The following MYLK4 variants were observed in gnomAD, a reference collection of about 807,000 sequenced individuals.
MYLK4 encodes the protein caMLCK like.
A neutral mutation model predicts 48.1 loss-of-function variants in MYLK4; 46 were observed. That is an observed-to-expected ratio of 0.96 (90% confidence interval 0.75 to 1.22). The LOEUF (loss-of-function observed/expected upper bound fraction) is 1.22, where lower values mean the gene tolerates loss of function less well. Ranked by LOEUF, MYLK4 falls within the 50% of genes most tolerant of loss-of-function variation. The pLI is 0.00. For missense variants in MYLK4, 451 were observed against 486.1 expected (o/e 0.93, Z 0.68); for synonymous variants, 170 against 180.8 (o/e 0.94, Z 0.48).
intron 2 of MYLK4, among the ~76,000 whole-genome samples, chr6:2,712,361 C>T (rs1489154017): frequency 2.0e-5 from 3 of 152,144 alleles, no homozygotes; most frequent in Non-Finnish European, 2.9e-5. Flanking sequence ...AGAAGATAGG[C>T]CACATATGGG....
At chr6:2,741,825 T>C (rs1763908940) in intron 2 of MYLK4, among the ~76,000 whole-genome samples, 1 of 152,234 alleles carries the variant, frequency 6.6e-6, no homozygotes. Context: ...ACACAACTTG[T>C]TGGCCTTTTC....
At chr6:2,732,349 C>G (rs914222525) in intron 2 of MYLK4, among the ~76,000 whole-genome samples, 9 of 152,202 alleles carry the variant, frequency 5.9e-5, no homozygotes, top group Admixed American at 2.0e-4. Context: ...ACCCACTCAG[C>G]AAGCTGCAGA....
rs117854365 is a variant in MYLK4, at chr6:2,739,677, T to C, written c.159+9459A>G. ...ACTTTTCCCCATTAAAAATGGCAAA[T>C]GAGGTTTTAAAAAATCATTACAATT... On this transcript the variant is annotated intron_variant, in intron 2 of 12. Transcript: ENST00000274643. Among the ~76,000 whole-genome samples the C allele has an allele frequency of 7.2e-4, 109 of 152,220 alleles. 3 individuals are homozygous for C. In the East Asian group the frequency reaches 0.017, roughly 24 times the overall value.
At chr6:2,742,834 A>G (rs1036903210) in intron 2 of MYLK4, among the ~76,000 whole-genome samples, 1 of 151,856 alleles carries the variant, frequency 6.6e-6, no homozygotes. Context: ...AAACCTGCAC[A>G]TTGTGCACAT....
chr6:2,680,105 A>G, intron 8 of MYLK4, 116 bp downstream of exon 8: 1 of 1,225,270 alleles, frequency 8.2e-7, no homozygotes, highest in Non-Finnish European at 1.1e-6. Flanking sequence ...TTTTTGTTAA[A>G]TTAATTATAA....
upstream of MYLK4, among the ~76,000 whole-genome samples, chr6:2,753,507 T>C (rs1764347436): frequency 6.6e-6 from 1 of 152,168 alleles, no homozygotes; most frequent in Admixed American, 6.5e-5. Flanking sequence ...AAAACGAAGA[T>C]TGATAAATTG....
intron 2 of MYLK4, among the ~76,000 whole-genome samples, chr6:2,742,521 T>C (rs1582124612): frequency 6.6e-6 from 1 of 150,898 alleles, no homozygotes; most frequent in South Asian, 2.1e-4. Context: ...ATATACACCA[T>C]GGAATACTAT....
intron 2 of MYLK4, among the ~76,000 whole-genome samples, chr6:2,720,006 G>A (rs1763011392): frequency 6.6e-6 from 1 of 152,030 alleles, no homozygotes; most frequent in Non-Finnish European, 1.5e-5. Context: ...TATTCCCAGA[G>A]ATTATAATTT....
rs778437879 is a variant in MYLK4, at chr6:2,671,337, A to ATTC, written c.1128_1130dup (p.Lys376dup). ...CAAAGTCCTGGGCATCAGAGCCACG[A>ATTC]TTCTTCTTCTTCTAGGGAAAGCAGA... On this transcript the variant is annotated inframe_insertion, in exon 12 of 13. Coordinates refer to ENST00000274643, the MANE Select transcript of MYLK4 (RefSeq NM_001012418.5). The ATTC allele has an allele frequency of 1.2e-6, 2 of 1,613,984 alleles. No homozygotes were observed. The highest frequency in any genetic ancestry group is 1.7e-6 in the Non-Finnish European group (2 of 1,179,952).
chr6:2,667,978 G>A lies in MYLK4; in HGVS notation c.*26-79C>T, dbSNP rs529678411. On this transcript the variant is annotated intron_variant, in intron 12 of 12. Coordinates refer to ENST00000274643, the MANE Select transcript of MYLK4 (RefSeq NM_001012418.5). ...ATAATTAGTTGGTTGTGCCCCTTAG[G>A]AAAACCACAGATGATTTTTTTTAAT... 115 of 151,776 alleles carry A rather than the reference G, an allele frequency of 7.6e-4. 1 individual carries two copies. Among genetic ancestry groups the A allele is most frequent in the African/African-American group, 2.7e-3 (110 of 41,334 alleles). The allele number at this position is 151,776 out of a possible 1,614,324, so 9.4% of individuals were successfully genotyped here.
rs751785553 is a variant in MYLK4, at chr6:2,683,039, A to G, written c.669T>C (p.Ile223=). The change falls in exon 7 of 13, where the codon ATT becomes ATC. Residue 223 remains isoleucine, a synonymous_variant. Coordinates refer to ENST00000274643, the MANE Select transcript of MYLK4 (RefSeq NM_001012418.5). Reference sequence around the variant, plus strand: ...CCCTTACCTTCAGGTCCAAGTGGAGAATGTACATCTGATGCATGTGCCTTA... The same window carrying G: ...CCCTTACCTTCAGGTCCAAGTGGAGGATGTACATCTGATGCATGTGCCTTA... ...EGIRHMHQMY[I]LHLDLKPENI... 4 of 1,614,028 alleles carry G rather than the reference A, an allele frequency of 2.5e-6. No individual in the cohort carries two copies. In the Admixed American group the frequency reaches 5.0e-5, roughly 20 times the overall value.
chr6:2,722,474 T>A (rs1039068802), intron 2 of MYLK4, among the ~76,000 whole-genome samples: 1 of 151,494 alleles, frequency 6.6e-6, no homozygotes, highest in Admixed American at 6.6e-5. Context: ...AATATAACTA[T>A]GTTGAGAGAA....
At chr6:2,694,498 T>TGGC in intron 2 of MYLK4, among the ~76,000 whole-genome samples, 1 of 47,124 alleles carries the variant, frequency 2.1e-5, no homozygotes, top group African/African-American at 9.0e-5. Context: ...GTCATGGTGG[T>TGGC]GGTGGTGGTG....
At chr6:2,721,438 C>T (rs893617738) in intron 2 of MYLK4, among the ~76,000 whole-genome samples, 2 of 152,160 alleles carry the variant, frequency 1.3e-5, no homozygotes, top group Non-Finnish European at 2.9e-5. Context: ...GAGTGTTGAC[C>T]AGATTGTAGG....
At chr6:2,670,877 A>G (rs191862446) in intron 12 of MYLK4, among the ~76,000 whole-genome samples, 2 of 152,150 alleles carry the variant, frequency 1.3e-5, no homozygotes, top group East Asian at 3.9e-4. Flanking sequence ...CTGAGACTCA[A>G]TTTCCCTATC....
At chr6:2,740,908 T>C (rs1763878170) in intron 2 of MYLK4, among the ~76,000 whole-genome samples, 1 of 152,236 alleles carries the variant, frequency 6.6e-6, no homozygotes, top group South Asian at 2.1e-4. Flanking sequence ...TGGAATAGCT[T>C]CCTGAGTCGG....
At chr6:2,731,332 C>T (rs1358724751) in intron 2 of MYLK4, among the ~76,000 whole-genome samples, 1 of 152,130 alleles carries the variant, frequency 6.6e-6, no homozygotes, top group Non-Finnish European at 1.5e-5. Flanking sequence ...CTTGGTGTCT[C>T]GGCTCTGGGG....
At chr6:2,711,180 C>T (rs543132969) in intron 2 of MYLK4, among the ~76,000 whole-genome samples, 23 of 152,308 alleles carry the variant, frequency 1.5e-4, no homozygotes, top group Non-Finnish European at 2.9e-4. Context: ...TTAATTAACA[C>T]GTATCAGTGC....
At chr6:2,723,006 CT>C (rs1333223857) in intron 2 of MYLK4, among the ~76,000 whole-genome samples, 2 of 151,844 alleles carry the variant, frequency 1.3e-5, no homozygotes, top group Admixed American at 6.6e-5. Flanking sequence ...TTTTAAAAAG[CT>C]GAGTCTGGGC....
Sources: allele counts gnomAD v4.1 joint callset (sites outside exome capture counted in the v4.1 genomes callset), GRCh38; gene constraint gnomAD v4.1.1; transcripts MANE v1.5; gene names NCBI Gene and HGNC (gene_info 2026-07-23, HGNC 2026-07-21).